CDC42EP2: variants seen among roughly 807,000 people sequenced by gnomAD.
CDC42EP2 encodes the protein CDC42 effector protein (Rho GTPase binding) 2.
In CDC42EP2, 5 loss-of-function variants were observed where a neutral mutation model predicts 7.3. That is an observed-to-expected ratio of 0.68 (90% CI 0.36 to 1.44). The LOEUF (loss-of-function observed/expected upper bound fraction) is 1.44. Among genes scored for constraint, CDC42EP2 ranks in the 40% most tolerant of loss-of-function variants. The pLI is 0.04. For synonymous variants in CDC42EP2, 113 were observed against 123.6 expected (o/e 0.91, Z 0.57); for missense variants, 251 against 282.6 (o/e 0.89, Z 0.80).
At chr11:65,317,467 T>C (rs1949953408) in intron 1 of CDC42EP2, among the ~76,000 whole-genome samples, 1 of 147,556 alleles carries the variant, frequency 6.8e-6, no homozygotes, top group Non-Finnish European at 1.5e-5. Context: ...AAGAGCCACC[T>C]TTGGTGAGCC....
At position 65,320,747 on chromosome 11, in the gene CDC42EP2, C is replaced by A; in HGVS notation, c.-152C>A. On this transcript the variant is annotated 5_prime_UTR_variant, in exon 2 of 2. Transcript: ENST00000279249. Reference sequence around the variant, plus strand: ...TTCCTTGGGCCAACTTTGTTCGTGCCCCCACACTGTAGCCAGAAGCCCGTT... The same window carrying A: ...TTCCTTGGGCCAACTTTGTTCGTGCACCCACACTGTAGCCAGAAGCCCGTT... The A allele has an allele frequency of 1.4e-6, 1 of 706,770 alleles. No homozygotes were observed. The highest frequency in any genetic ancestry group is 2.3e-6 in the Non-Finnish European group (1 of 429,946). The allele number at this position is 706,770 out of a possible 1,614,324, so 43.8% of individuals were successfully genotyped here.
rs1949944956 is a variant in CDC42EP2, at chr11:65,315,786, C to T, written c.-356+832C>T. On this transcript the variant is annotated intron_variant, in intron 1 of 1. Transcript: ENST00000279249. The surrounding 1 kb of genome is among the most constrained non-coding windows in gnomAD (Gnocchi z 4.1). Reference sequence around the variant, plus strand: ...GAGCCGGGCACCTCTCCGGAGGCACCGGGACCCCGGGAGACCCAGCGGCCG... The same window carrying T: ...GAGCCGGGCACCTCTCCGGAGGCACTGGGACCCCGGGAGACCCAGCGGCCG... 6.6e-6 allele frequency among the ~76,000 whole-genome samples: 1 copy of T among 152,158 alleles called. No homozygotes were observed. Among genetic ancestry groups the T allele is most frequent in the South Asian group, 2.1e-4 (1 of 4,824 alleles).
rs374924516 is a variant in CDC42EP2, at chr11:65,316,013, G to T, written c.-356+1059G>T. ...CTGAACCCCGCTATTGTACATTGGCGCTCTCACCTGCAATATTGCAGTGGG... is the reference window on the plus strand; with the variant it reads ...CTGAACCCCGCTATTGTACATTGGCTCTCTCACCTGCAATATTGCAGTGGG... On this transcript the variant is annotated intron_variant, in intron 1 of 1. Transcript: ENST00000279249. Among the ~76,000 whole-genome samples, 282 of 152,312 alleles carry T rather than the reference G, an allele frequency of 1.9e-3. 2 individuals are homozygous for T. Among genetic ancestry groups the T allele is most frequent in the African/African-American group, 6.6e-3 (275 of 41,578 alleles).
At chr11:65,319,552 T>C (rs1949964027) in intron 1 of CDC42EP2, among the ~76,000 whole-genome samples, 1 of 152,226 alleles carries the variant, frequency 6.6e-6, no homozygotes, top group Non-Finnish European at 1.5e-5. Flanking sequence ...CTAAAAAATA[T>C]ATGTACTCCC....
chr11:65,315,704 G>T lies in CDC42EP2; in HGVS notation c.-356+750G>T, dbSNP rs1375691532. 3.9e-5 allele frequency among the ~76,000 whole-genome samples: 6 copies of T among 152,222 alleles called. No individual in the cohort carries two copies. Among genetic ancestry groups the T allele is most frequent in the Non-Finnish European group, 8.8e-5 (6 of 68,032 alleles). On this transcript the variant is annotated intron_variant, in intron 1 of 1. Coordinates refer to ENST00000279249, the MANE Select transcript of CDC42EP2 (RefSeq NM_006779.4). The surrounding 1 kb of genome is among the most constrained non-coding windows in gnomAD (Gnocchi z 4.1). ...GCGCTGGAGACCCCGGTGCGCTCTC[G>T]GAGTCCTCCGGGACACGAGGCGATC...
rs1280324308 is a variant in CDC42EP2 at position 65,320,568 on chromosome 11, A to G, written c.-331A>G. The G allele has an allele frequency of 3.4e-6, 1 of 293,830 alleles. No homozygotes were observed. Among genetic ancestry groups the G allele is most frequent in the African/African-American group, 2.1e-5 (1 of 47,096 alleles). The allele number at this position is 293,830 out of a possible 1,614,324, so 18.2% of individuals were successfully genotyped here. A position where few individuals can be genotyped will look rare whatever the true frequency, so the allele number is the denominator to read the frequency against. On this transcript the variant is annotated 5_prime_UTR_variant, in exon 2 of 2. Coordinates refer to ENST00000279249, the MANE Select transcript of CDC42EP2 (RefSeq NM_006779.4). ...GCTCCTCAGCCCTGGACCGGGGACA[A>G]GTAACCCTCGGTGACAAGACCAAAG...
Position 65,321,249 on chromosome 11 carries a change from G to A in CDC42EP2, c.351G>A (p.Gln117=), listed in dbSNP as rs1374056537. The A allele has an allele frequency of 1.2e-6, 2 of 1,613,766 alleles. No homozygotes were observed. Among genetic ancestry groups the A allele is most frequent in the Non-Finnish European group, 1.7e-6 (2 of 1,180,002 alleles). ...AISLPVIGGP[Q]ALTLPTAQAP... is the part of the protein sequence containing the mutation. Reference sequence around the variant, plus strand: ...CCCTCCCGGTTATCGGTGGACCCCAGGCTCTCACCCTGCCCACAGCCCAGG... The same window carrying A: ...CCCTCCCGGTTATCGGTGGACCCCAAGCTCTCACCCTGCCCACAGCCCAGG... Residue 117 remains glutamine, a synonymous_variant, in exon 2 of 2, where the codon CAG becomes CAA. Transcript: ENST00000279249. This position sits in a 1 kb window ranked among gnomAD's most constrained non-coding sequence, Gnocchi z 4.4.
rs1949943877 is a variant in CDC42EP2 at position 65,315,597 on chromosome 11, A to G, written c.-356+643A>G. On this transcript the variant is annotated intron_variant, in intron 1 of 1. Transcript: ENST00000279249. The surrounding 1 kb of genome is among the most constrained non-coding windows in gnomAD (Gnocchi z 4.1). ...ATTGTGGGACCAGAAACCCCGAAGC[A>G]AAAAGATCTCGCAGGTAATCCCCAT... Among the ~76,000 whole-genome samples, 1 of 152,256 alleles carries G rather than the reference A, an allele frequency of 6.6e-6. No homozygotes were observed. Among genetic ancestry groups the G allele is most frequent in the Non-Finnish European group, 1.5e-5 (1 of 68,040 alleles).
intron 1 of CDC42EP2, among the ~76,000 whole-genome samples, chr11:65,319,774 G>A (rs772705458): frequency 5.9e-5 from 9 of 152,192 alleles, no homozygotes; most frequent in South Asian, 2.1e-4. Flanking sequence ...AGGCTTGGGC[G>A]GGAGAGACAG....
chr11:65,318,359 ATTC>A (rs1590921004), intron 1 of CDC42EP2, among the ~76,000 whole-genome samples: 1 of 150,338 alleles, frequency 6.7e-6, no homozygotes, highest in Non-Finnish European at 1.5e-5. Flanking sequence ...GGTTTAAGTA[ATTC>A]TTCTGCCTCA....
At chr11:65,316,467 ACTGTTCCCAGC>A (rs1273237184) in intron 1 of CDC42EP2, among the ~76,000 whole-genome samples, 2 of 152,084 alleles carry the variant, frequency 1.3e-5, no homozygotes, top group Non-Finnish European at 2.9e-5. Flanking sequence ...CTGGGGACCC[ACTGTTCCCAGC>A]CTAGCTGTGA....
intron 1 of CDC42EP2, among the ~76,000 whole-genome samples, chr11:65,318,421 A>T (rs1200803963): frequency 1.3e-4 from 15 of 114,072 alleles, no homozygotes; most frequent in African/African-American, 4.4e-4. Context: ...CACCTGGCAA[A>T]TTTTTTTTTT....
Position 65,315,479 on chromosome 11 carries a change from T to C in CDC42EP2, c.-356+525T>C, listed in dbSNP as rs1949943095. ...CTCTGGCCCTGTGCCGAGCGGACAC[T>C]AGGACATCGCCCAGGCCGGAAAGCA... On this transcript the variant is annotated intron_variant, in intron 1 of 1. Transcript: ENST00000279249. The surrounding 1 kb of genome is among the most constrained non-coding windows in gnomAD (Gnocchi z 4.1). 6.6e-6 allele frequency among the ~76,000 whole-genome samples: 1 copy of C among 152,124 alleles called. No individual in the cohort carries two copies. Among genetic ancestry groups the C allele is most frequent in the South Asian group, 2.1e-4 (1 of 4,826 alleles).
chr11:65,320,989 A>G lies in CDC42EP2; in HGVS notation c.91A>G (p.Ser31Gly), dbSNP rs1949971197. 5 of 1,613,962 alleles carry G rather than the reference A, an allele frequency of 3.1e-6. No individual in the cohort carries two copies. Among genetic ancestry groups the G allele is most frequent in the Non-Finnish European group, 3.4e-6 (4 of 1,180,034 alleles). ...GGACCTGCTGTCCTCGGACATGATC[A>G]GCCCACCGCTGGGGGACTTCCGCCA... ...LRDLLSSDMI[S>G]PPLGDFRHTI... The change falls in exon 2 of 2, where the codon AGC becomes GGC. Residue 31 changes from serine to glycine, a missense_variant. Transcript: ENST00000279249.
rs1358539347 is a variant in CDC42EP2 at position 65,315,756 on chromosome 11, C to T, written c.-356+802C>T. ...AGGGAGCACGCGCGCCACCTGGCGGCCGCGGAGCCGGGCACCTCTCCGGAG... is the reference window on the plus strand; with the variant it reads ...AGGGAGCACGCGCGCCACCTGGCGGTCGCGGAGCCGGGCACCTCTCCGGAG... On this transcript the variant is annotated intron_variant, in intron 1 of 1. Transcript: ENST00000279249. The surrounding 1 kb of genome is among the most constrained non-coding windows in gnomAD (Gnocchi z 4.1). 6.6e-6 allele frequency among the ~76,000 whole-genome samples: 1 copy of T among 152,204 alleles called. No individual in the cohort carries two copies. Among genetic ancestry groups the T allele is most frequent in the African/African-American group, 2.4e-5 (1 of 41,448 alleles).
Position 65,321,347 on chromosome 11 carries a change from T to G in CDC42EP2, c.449T>G (p.Ile150Ser). Residue 150 changes from isoleucine (I) to serine (S), a missense_variant, in exon 2 of 2, where the codon ATC becomes AGC. By Grantham distance (142) the Ile-to-Ser change is moderately radical. Coordinates refer to ENST00000279249, the MANE Select transcript of CDC42EP2 (RefSeq NM_006779.4). The surrounding 1 kb of genome is among the most constrained non-coding windows in gnomAD (Gnocchi z 4.4). ...CCACAGGAGGGAGGGAGTGTGGACATCTGGAGGATTCCAGAGACTGGCTCC... is the reference window on the plus strand; with the variant it reads ...CCACAGGAGGGAGGGAGTGTGGACAGCTGGAGGATTCCAGAGACTGGCTCC... ...PSPQEGGSVD[I>S]WRIPETGSPN... The G allele has an allele frequency of 6.2e-7, 1 of 1,613,842 alleles. No homozygotes were observed. The highest frequency in any genetic ancestry group is 1.3e-5 in the African/African-American group (1 of 75,020).
At chr11:65,317,100 G>C (rs1949951379) in intron 1 of CDC42EP2, 1 of 152,320 alleles carries the variant, frequency 6.6e-6, no homozygotes, top group Admixed American at 6.5e-5. Flanking sequence ...GTTGACACAG[G>C]ATGAATGCGT....
In CDC42EP2 at chr11:65,321,582, G is replaced by A; in HGVS notation, c.*51G>A. The A allele has an allele frequency of 6.5e-7, 1 of 1,537,932 alleles. No individual in the cohort carries two copies. Among genetic ancestry groups the A allele is most frequent in the East Asian group, 2.3e-5 (1 of 44,000 alleles). On this transcript the variant is annotated 3_prime_UTR_variant, in exon 2 of 2. Transcript: ENST00000279249. The surrounding 1 kb of genome is among the most constrained non-coding windows in gnomAD (Gnocchi z 4.4). ...CCCAGGTGGGGCCCAGCCAGGAGGT[G>A]GGGTGTGGACCCGGCCCTGGCGGCG...
intron 1 of CDC42EP2, among the ~76,000 whole-genome samples, chr11:65,316,493 C>T (rs557232870): frequency 6.6e-6 from 1 of 152,256 alleles, no homozygotes; most frequent in South Asian, 2.1e-4. Context: ...CTGTGAGCCC[C>T]TTTCTCTCCC....
Sources: gnomAD v4.1 joint callset for allele counts (sites outside exome capture counted in the v4.1 genomes callset) on GRCh38, gnomAD v4.1.1 for gene constraint, Gnocchi (gnomAD v3.1) non-coding constraint, MANE v1.5 for transcripts, NCBI Gene and HGNC (gene_info 2026-07-23, HGNC 2026-07-21) for gene names.